The following SEMA3A variants were observed in gnomAD, a reference collection of about 807,000 sequenced individuals.
SEMA3A encodes semaphorin 3A, also known as semaphorin-3A.
In SEMA3A, 29 loss-of-function variants were observed where a neutral mutation model predicts 97.9. The observed-to-expected ratio is 0.30, with a 90% CI of 0.22 to 0.40. The LOEUF is 0.40. Ranked by LOEUF, SEMA3A falls within the 10% of genes least tolerant of loss-of-function variation. The pLI, the probability that SEMA3A is intolerant of heterozygous loss-of-function variation, is 1.00. For synonymous variants in SEMA3A, 321 were observed against 323.7 expected (o/e 0.99, Z 0.09); for missense variants, 763 against 951.3 (o/e 0.80, Z 2.60).
At chr7:84,170,711 T>C (rs1327707531) in intron 1 of SEMA3A, among the ~76,000 whole-genome samples, 2 of 152,048 alleles carry the variant, frequency 1.3e-5, no homozygotes, top group African/African-American at 4.8e-5. Context: ...ATTTTAATTA[T>C]TGGATGTGTA....
At chr7:84,239,167 A>G (rs1486603655) in intron 3 of SEMA3A, among the ~76,000 whole-genome samples, 2 of 152,234 alleles carry the variant, frequency 1.3e-5, no homozygotes, top group African/African-American at 4.8e-5. Context: ...GCAAGATTTC[A>G]TGATTGTGCA....
intron 6 of SEMA3A, among the ~76,000 whole-genome samples, chr7:84,037,400 T>C (rs1791979095): frequency 6.6e-6 from 1 of 152,096 alleles, no homozygotes; most frequent in African/African-American, 2.4e-5. Flanking sequence ...TGATCATGGC[T>C]CACTGCAGCC....
chr7:84,106,135 C>T (rs891113901), intron 4 of SEMA3A, among the ~76,000 whole-genome samples: 13 of 152,054 alleles, frequency 8.5e-5, no homozygotes, highest in East Asian at 3.9e-4. Context: ...TTTTGGAATA[C>T]GCTATTCAGG....
chr7:84,426,089 A>C (rs1256432427), intron 1 of SEMA3A, among the ~76,000 whole-genome samples: 5 of 146,060 alleles, frequency 3.4e-5, no homozygotes, highest in African/African-American at 1.2e-4. Context: ...GAAGGGTGGG[A>C]GGGGCGTGAG....
intron 3 of SEMA3A, among the ~76,000 whole-genome samples, chr7:84,208,020 GCATATTTATGTAT>G (rs1798532280): frequency 6.6e-6 from 1 of 152,078 alleles, no homozygotes; most frequent in Non-Finnish European, 1.5e-5. Flanking sequence ...ACATATGTAT[GCATATTTATGTAT>G]AAATGTATAT....
intron 5 of SEMA3A, among the ~76,000 whole-genome samples, chr7:84,058,097 T>TA (rs1270559157): frequency 2.6e-5 from 4 of 151,278 alleles, no homozygotes; most frequent in African/African-American, 9.7e-5. Context: ...ATTGGTGGTA[T>TA]AAAAAATATT....
intron 3 of SEMA3A, among the ~76,000 whole-genome samples, chr7:84,255,752 C>A (rs1474461265): frequency 6.6e-6 from 1 of 151,706 alleles, no homozygotes; most frequent in East Asian, 1.9e-4. Context: ...GATTAGTAGG[C>A]ATACCAAAAT....
In SEMA3A at chr7:84,295,388, AT is replaced by A. The variant is rs1800844193; in HGVS notation, c.-83+11818del. Among the ~76,000 whole-genome samples the A allele has an allele frequency of 2.0e-5, 3 of 152,100 alleles. No individual in the cohort carries two copies. The South Asian group carries it at 6.2e-4, about 32-fold the overall frequency. ...TCATTCACAAAATGTGAATGTTGCA[AT>A]TTATCTTTTGCTTGGGGCAAAATTT... On this transcript the variant is annotated intron_variant, in intron 3 of 3. Coordinates refer to the SEMA3A transcript ENST00000424555.
At chr7:84,002,665 G>A (rs143702359) in intron 11 of SEMA3A, among the ~76,000 whole-genome samples, 1 of 152,186 alleles carries the variant, frequency 6.6e-6, no homozygotes, top group African/African-American at 2.4e-5. Context: ...ACAATAACCC[G>A]ATTTCTCAAA....
intron 4 of SEMA3A, among the ~76,000 whole-genome samples, chr7:84,104,882 T>C (rs1211651597): frequency 6.6e-6 from 1 of 152,212 alleles, no homozygotes; most frequent in East Asian, 1.9e-4. Flanking sequence ...GGTACTTTAT[T>C]AAGCATAGTA....
chr7:84,207,123 C>T (rs1356064748), intron 3 of SEMA3A, among the ~76,000 whole-genome samples: 1 of 152,172 alleles, frequency 6.6e-6, no homozygotes, highest in East Asian at 1.9e-4. Flanking sequence ...TGAATATATT[C>T]GTCTTGTAGC....
chr7:84,455,372 A>C (rs1805663899), intron 1 of SEMA3A, among the ~76,000 whole-genome samples: 1 of 151,984 alleles, frequency 6.6e-6, no homozygotes, highest in Non-Finnish European at 1.5e-5. Context: ...TTTAAAAACT[A>C]CTTTGTTTAA....
At chr7:84,062,559 C>T (rs190611809) in intron 4 of SEMA3A, among the ~76,000 whole-genome samples, 2 of 152,122 alleles carry the variant, frequency 1.3e-5, no homozygotes, top group African/African-American at 2.4e-5. Context: ...TCAGTGGGTG[C>T]GCGCACCACG....
rs1488373466 is a variant in SEMA3A at position 84,426,231 on chromosome 7, A to AT, written c.-245-54332dup. Among the ~76,000 whole-genome samples, 5 of 152,032 alleles carry AT rather than the reference A, an allele frequency of 3.3e-5. No homozygotes were observed. The East Asian group carries it at 9.7e-4, about 29-fold the overall frequency. Reference sequence around the variant, plus strand: ...TTGTACCCTAAAAAGCTGTTGAAGTATAGATACATAGATAGATGATAGAGA... The same window carrying AT: ...TTGTACCCTAAAAAGCTGTTGAAGTATTAGATACATAGATAGATGATAGAGA... On this transcript the variant is annotated intron_variant, in intron 1 of 3. Transcript: ENST00000424555.
At chr7:84,179,884 A>T (rs1220931998) in intron 1 of SEMA3A, among the ~76,000 whole-genome samples, 3 of 144,804 alleles carry the variant, frequency 2.1e-5, no homozygotes, top group African/African-American at 5.2e-5. Context: ...ACATACAAAC[A>T]CTCACATATT....
At chr7:84,481,830 CAA>C (rs1309856052) in intron 1 of SEMA3A, among the ~76,000 whole-genome samples, 3 of 151,826 alleles carry the variant, frequency 2.0e-5, no homozygotes, top group East Asian at 3.9e-4. Flanking sequence ...AAGAAGACAG[CAA>C]AGTTAACTAA....
intron 3 of SEMA3A, among the ~76,000 whole-genome samples, chr7:84,259,744 C>A (rs756080760): frequency 2.2e-4 from 33 of 149,348 alleles, no homozygotes; most frequent in Non-Finnish European, 3.5e-4. Flanking sequence ...TTAAAGCAAG[C>A]TGCAAGTGAA....
At chr7:83,978,854 C>A (rs1324203366) in intron 14 of SEMA3A, among the ~76,000 whole-genome samples, 1 of 152,078 alleles carries the variant, frequency 6.6e-6, no homozygotes, top group Non-Finnish European at 1.5e-5. Context: ...TTAAAGACAG[C>A]GTGTCACTCA....
At chr7:84,390,058 T>A (rs956953153) in intron 1 of SEMA3A, among the ~76,000 whole-genome samples, 1 of 152,110 alleles carries the variant, frequency 6.6e-6, no homozygotes, top group Non-Finnish European at 1.5e-5. Flanking sequence ...CATGGTGACA[T>A]ATTAAACTCG....
Sources: gnomAD v4.1 joint callset for allele counts (sites outside exome capture counted in the v4.1 genomes callset) on GRCh38, gnomAD v4.1.1 for gene constraint, MANE v1.5 for transcripts, NCBI Gene and HGNC (gene_info 2026-07-23, HGNC 2026-07-21) for gene names.